ITCH: variants seen among roughly 807,000 people sequenced by gnomAD.
ITCH encodes itchy E3 ubiquitin protein ligase.
In ITCH, 28 loss-of-function variants were observed where a neutral mutation model predicts 126.8. That is an observed-to-expected ratio of 0.22 (90% CI 0.16 to 0.30). The LOEUF (loss-of-function observed/expected upper bound fraction) is 0.30, where lower values mean the gene tolerates loss of function less well. ITCH is among the 10% of genes least tolerant of loss of function. The pLI is 1.00. For missense variants in ITCH, 631 were observed against 1,032.4 expected, an observed-to-expected ratio of 0.61 and a Z score of 5.33; for synonymous variants, 342 against 340.0, an observed-to-expected ratio of 1.01 and a Z score of -0.06.
At chr20:34,489,782 A>C (rs972866672) in intron 21 of ITCH, 40 bp from the exon 22 acceptor site, 3 of 1,348,724 alleles carry the variant, frequency 2.2e-6, no homozygotes, top group African/African-American at 2.9e-5. Flanking sequence ...GTTTTTGTAC[A>C]GTTACCTTAG....
rs551400248 is a variant in ITCH, at chr20:34,490,613, A to C, written c.2319+687A>C. On this transcript the variant is annotated intron_variant, in intron 22 of 24. Coordinates refer to ENST00000374864, the MANE Select transcript of ITCH (RefSeq NM_031483.7). Reference sequence around the variant, plus strand: ...AGCCAAGTTCGCACTACTGCACTCCAGCCTGGGTGACAGAGCAAGACTCTG... The same window carrying C: ...AGCCAAGTTCGCACTACTGCACTCCCGCCTGGGTGACAGAGCAAGACTCTG... Among the ~76,000 whole-genome samples the C allele has an allele frequency of 2.0e-5, 3 of 152,346 alleles. No individual in the cohort carries two copies. The East Asian group carries it at 5.8e-4, about 29-fold the overall frequency.
chr20:34,408,993 C>T (rs917199450), intron 4 of ITCH, among the ~76,000 whole-genome samples: 28 of 150,426 alleles, frequency 1.9e-4, no homozygotes, highest in African/African-American at 5.2e-4. Context: ...TAGTCACTCC[C>T]TTTCTTTACC....
Position 34,406,679 on chromosome 20 carries a change from C to T in ITCH, c.71-1972C>T, listed in dbSNP as rs565430870. On this transcript the variant is annotated intron_variant, in intron 3 of 24. Transcript: ENST00000374864. ...CCTCCCGAGTAGCTGGGACTACAGG[C>T]GCTCGCCACCACGCCCGGCTAATTT... 3.5e-3 allele frequency among the ~76,000 whole-genome samples: 531 copies of T among 152,080 alleles called. 1 individual carries two copies. Among genetic ancestry groups the T allele is most frequent in the Non-Finnish European group, 5.3e-3 (362 of 67,968 alleles).
At chr20:34,388,266 T>C (rs2038362006) in intron 2 of ITCH, among the ~76,000 whole-genome samples, 1 of 152,092 alleles carries the variant, frequency 6.6e-6, no homozygotes, top group African/African-American at 2.4e-5. Flanking sequence ...TCTGGCTAAT[T>C]TTTAAATTTT....
At chr20:34,498,043 G>A (rs1439843698) in intron 23 of ITCH, among the ~76,000 whole-genome samples, 15 of 152,202 alleles carry the variant, frequency 9.9e-5, no homozygotes, top group Non-Finnish European at 1.5e-5. Flanking sequence ...TTGCTGTAGA[G>A]ATCGTTCACC....
chr20:34,442,653 C>T (rs568399796), intron 10 of ITCH, among the ~76,000 whole-genome samples: 1 of 151,398 alleles, frequency 6.6e-6, no homozygotes, highest in East Asian at 2.0e-4. Flanking sequence ...ATGCCTGGCC[C>T]TATTTTCACT....
chr20:34,448,793 T>C (rs1228018644), intron 11 of ITCH, among the ~76,000 whole-genome samples: 1 of 152,166 alleles, frequency 6.6e-6, no homozygotes, highest in East Asian at 1.9e-4. Context: ...AAAGGTTGAC[T>C]CTTACTTTGC....
chr20:34,479,529 A>G, intron 17 of ITCH, 101 bp from the exon 18 acceptor site: 1 of 882,622 alleles, frequency 1.1e-6, no homozygotes, highest in South Asian at 1.5e-5. Context: ...GAAAACTATC[A>G]CTAGCTGAGG....
chr20:34,442,367 A>G (rs1274952138), intron 10 of ITCH, 64 bp downstream of exon 10: 8 of 1,146,078 alleles, frequency 7.0e-6, no homozygotes, highest in Admixed American at 5.3e-5. Flanking sequence ...CAACTGTATA[A>G]TCTTCCCTAC....
chr20:34,428,648 C>A (rs1024353002), intron 7 of ITCH, among the ~76,000 whole-genome samples: 1 of 151,736 alleles, frequency 6.6e-6, no homozygotes, highest in Non-Finnish European at 1.5e-5. Flanking sequence ...AAACTTTTCA[C>A]CTGAAGCATT....
intron 3 of ITCH, among the ~76,000 whole-genome samples, chr20:34,399,577 A>G (rs2038798096): frequency 6.7e-6 from 1 of 150,210 alleles, no homozygotes; most frequent in South Asian, 2.1e-4. Flanking sequence ...ATGGTGGCTC[A>G]TGCCTGTAAT....
At chr20:34,381,666 TC>T (rs1277958368) in intron 2 of ITCH, among the ~76,000 whole-genome samples, 1 of 152,032 alleles carries the variant, frequency 6.6e-6, no homozygotes, top group Non-Finnish European at 1.5e-5. Context: ...TGCCTCGTGA[TC>T]CGCCCTCCTT....
chr20:34,383,836 CTTTTT>C (rs745864966), intron 2 of ITCH, among the ~76,000 whole-genome samples: 3 of 68,656 alleles, frequency 4.4e-5, no homozygotes, highest in Non-Finnish European at 5.7e-5. Flanking sequence ...GTCTGTAATT[CTTTTT>C]TTTTTTTTTT....
intron 1 of ITCH, among the ~76,000 whole-genome samples, chr20:34,364,724 C>CAAAAAAAAAAAAAAAAAAAAAAAA (rs1171765663): frequency 4.4e-5 from 2 of 45,564 alleles, no homozygotes; most frequent in Non-Finnish European, 7.3e-5. Flanking sequence ...ACTAAAAATA[C>CAAAAAAAAAAAAAAAAAAAAAAAA]AAAAAAAAAA....
At chr20:34,499,139 T>C (rs1176604635) in intron 23 of ITCH, among the ~76,000 whole-genome samples, 2 of 151,814 alleles carry the variant, frequency 1.3e-5, no homozygotes, top group Non-Finnish European at 2.9e-5. Flanking sequence ...CATGCTCGGC[T>C]AATTTTTTGT....
At chr20:34,475,079 C>T (rs941848498) in intron 16 of ITCH, among the ~76,000 whole-genome samples, 21 of 151,724 alleles carry the variant, frequency 1.4e-4, no homozygotes, top group African/African-American at 5.1e-4. Flanking sequence ...AGAGACGCTC[C>T]TCACTTCCTA....
chr20:34,417,548 C>T (rs571154531), intron 6 of ITCH, among the ~76,000 whole-genome samples: 5 of 151,808 alleles, frequency 3.3e-5, no homozygotes, highest in South Asian at 2.1e-4. Context: ...GACAGGCATG[C>T]GCCACCATGC....
chr20:34,451,320 CA>C (rs1391782762), intron 12 of ITCH, among the ~76,000 whole-genome samples: 97 of 151,458 alleles, frequency 6.4e-4, no homozygotes, highest in African/African-American at 2.2e-3. Context: ...ATTAGCCAGG[CA>C]TGGTGGTGCT....
intron 3 of ITCH, chr20:34,402,143 T>A: frequency 9.5e-7 from 1 of 1,053,574 alleles, no homozygotes; most frequent in South Asian, 1.3e-5. Context: ...TCTGGAGAGA[T>A]GTTCCTAGCA....
Sources: allele counts gnomAD v4.1 joint callset (sites outside exome capture counted in the v4.1 genomes callset), GRCh38; gene constraint gnomAD v4.1.1; transcripts MANE v1.5; gene names NCBI Gene and HGNC (gene_info 2026-07-23, HGNC 2026-07-21).